The following ELF2 variants were observed in gnomAD, a reference collection of about 807,000 sequenced individuals.
The protein encoded by ELF2 is ETS-related transcription factor Elf-2.
Under a neutral mutation model 54.8 loss-of-function variants are expected in ELF2, and 11 were observed. The ratio of observed to expected loss-of-function variants is 0.20; its 90% CI spans 0.13 to 0.33. ELF2 has a LOEUF of 0.33. Ranked by LOEUF, ELF2 falls within the 10% of genes least tolerant of loss-of-function variation. The probability of loss-of-function intolerance (pLI) is 1.00; values close to 1 mark genes in which losing one functional copy is unlikely to be tolerated. For synonymous variants in ELF2, 203 were observed against 245.1 expected, an observed-to-expected ratio of 0.83 and a Z score of 1.61; for missense variants, 513 against 703.0, an observed-to-expected ratio of 0.73 and a Z score of 3.06.
At chr4:139,090,763 T>G (rs1315925610) in intron 4 of ELF2, among the ~76,000 whole-genome samples, 3 of 152,026 alleles carry the variant, frequency 2.0e-5, no homozygotes, top group South Asian at 4.2e-4. Context: ...CCCAGTTAAT[T>G]TTTGTATTTT....
At chr4:139,069,305 T>G (rs1305592468) in intron 6 of ELF2, among the ~76,000 whole-genome samples, 1 of 152,226 alleles carries the variant, frequency 6.6e-6, no homozygotes, top group Non-Finnish European at 1.5e-5. Flanking sequence ...AACATCTGTA[T>G]TTCAAAATGC....
chr4:139,059,351 G>T lies in ELF2; in HGVS notation c.1414C>A (p.Leu472Met), dbSNP rs1210411313. The change falls in exon 10 of 10, where the codon CTG becomes ATG. Residue 472 changes from leucine (L) to methionine (M), a missense_variant. Leu to Met is a conservative substitution (Grantham distance 15). Around this residue, in one of 3 missense-constraint regions of ELF2, gnomAD observed 291 missense variants for 366.1 expected, o/e 0.79. Coordinates refer to ENST00000686138, the MANE Select transcript of ELF2 (RefSeq NM_001331036.3). The stretch of plus-strand genomic sequence containing the variant: ...CCAGTCAGATTTGACTTTGTCTGCA[G>T]TTGACACTGTGCAAGCTGTGTAGCT... ...IPATQLAQCQ[L>M]QTKSNLTGSG... 2 of 1,613,868 alleles carry T rather than the reference G, an allele frequency of 1.2e-6. No homozygotes were observed. The highest frequency in any genetic ancestry group is 2.7e-5 in the African/African-American group (2 of 74,932).
At chr4:139,168,727 C>A (rs1435867306) in intron 1 of ELF2, among the ~76,000 whole-genome samples, 1 of 151,844 alleles carries the variant, frequency 6.6e-6, no homozygotes, top group Non-Finnish European at 1.5e-5. Context: ...AAAGAAAGAT[C>A]CCTTTTGTTT....
intron 3 of ELF2, among the ~76,000 whole-genome samples, chr4:139,134,584 A>ATTTATTTTATTTTAT (rs142478360): frequency 2.9e-5 from 4 of 140,002 alleles, no homozygotes; most frequent in East Asian, 2.0e-4. Context: ...TTTATGTTAT[A>ATTTATTTTATTTTAT]TTTATTTTAT....
intron 4 of ELF2, among the ~76,000 whole-genome samples, chr4:139,094,750 A>T (rs1305231900): frequency 6.6e-6 from 1 of 152,198 alleles, no homozygotes; most frequent in East Asian, 1.9e-4. Flanking sequence ...AAAAGATTAA[A>T]GTAATGTCAT....
chr4:139,157,485 T>A (rs1170525202), intron 1 of ELF2, among the ~76,000 whole-genome samples: 1 of 152,130 alleles, frequency 6.6e-6, no homozygotes, highest in Non-Finnish European at 1.5e-5. Flanking sequence ...CACTGCAGCC[T>A]CAACCTCCTG....
chr4:139,137,790 A>T lies in ELF2; in HGVS notation c.-89T>A. ...GCCAGTGTTATAGGTTTGCATTATCATGTTTTAAAAGTCAATAGAGATGGA... is the reference window on the plus strand; with the variant it reads ...GCCAGTGTTATAGGTTTGCATTATCTTGTTTTAAAAGTCAATAGAGATGGA... On this transcript the variant is annotated 5_prime_UTR_variant, in exon 3 of 10. The change abolishes an upstream ATG in the 5' untranslated region. Transcript: ENST00000686138. The T allele has an allele frequency of 6.4e-7, 1 of 1,559,614 alleles. No homozygotes were observed.
At chr4:139,105,201 T>C (rs1435334931) in intron 4 of ELF2, among the ~76,000 whole-genome samples, 1 of 152,228 alleles carries the variant, frequency 6.6e-6, no homozygotes, top group Non-Finnish European at 1.5e-5. Flanking sequence ...CTTAATTCCA[T>C]ATATTTACTT....
chr4:139,165,871 T>G (rs576194804), intron 1 of ELF2, among the ~76,000 whole-genome samples: 1 of 152,334 alleles, frequency 6.6e-6, no homozygotes, highest in East Asian at 1.9e-4. Flanking sequence ...ATATGAATAT[T>G]CCAAAAGTAT....
chr4:139,126,352 T>C (rs556138520), intron 3 of ELF2, among the ~76,000 whole-genome samples: 1 of 112,464 alleles, frequency 8.9e-6, no homozygotes, highest in Non-Finnish European at 2.0e-5. Flanking sequence ...AAATAAATCA[T>C]AAGGAAAAAA....
chr4:139,097,339 T>C (rs1385779813), intron 4 of ELF2, among the ~76,000 whole-genome samples: 1 of 152,134 alleles, frequency 6.6e-6, no homozygotes, highest in Admixed American at 6.5e-5. Context: ...CAAGTTTTAA[T>C]GTGCAATATT....
At chr4:139,061,415 T>G (rs1311149639) in intron 8 of ELF2, among the ~76,000 whole-genome samples, 1 of 152,106 alleles carries the variant, frequency 6.6e-6, no homozygotes, top group Non-Finnish European at 1.5e-5. Flanking sequence ...CCTCAAGTGA[T>G]CCACCCAACT....
intron 4 of ELF2, among the ~76,000 whole-genome samples, chr4:139,088,018 G>T (rs1200785910): frequency 6.6e-6 from 1 of 152,080 alleles, no homozygotes; most frequent in Non-Finnish European, 1.5e-5. Context: ...TGGTCACAGT[G>T]GCTCACGCCT....
At chr4:139,131,104 GCTGT>G (rs1398302726) in intron 3 of ELF2, among the ~76,000 whole-genome samples, 12 of 152,190 alleles carry the variant, frequency 7.9e-5, no homozygotes, top group Non-Finnish European at 1.3e-4. Flanking sequence ...CTTGGCACAA[GCTGT>G]CTAATTCCCT....
chr4:139,074,759 CAAA>C (rs397957583), intron 4 of ELF2, among the ~76,000 whole-genome samples: 1 of 92,672 alleles, frequency 1.1e-5, no homozygotes, highest in Non-Finnish European at 2.3e-5. Context: ...GACACTGTCT[CAAA>C]AAAAAAAAAC....
chr4:139,062,189 G>C, intron 7 of ELF2, 132 bp from the exon 8 acceptor site: 1 of 870,496 alleles, frequency 1.1e-6, no homozygotes, highest in Non-Finnish European at 1.7e-6. Context: ...TTTTTTTTTG[G>C]AGACGGAGTC....
intron 3 of ELF2, among the ~76,000 whole-genome samples, chr4:139,133,856 C>A (rs573582383): frequency 1.6e-4 from 25 of 152,156 alleles, no homozygotes; most frequent in African/African-American, 6.0e-4. Flanking sequence ...TATACACTCA[C>A]CTCATATCCT....
intron 4 of ELF2, among the ~76,000 whole-genome samples, chr4:139,118,684 G>GTT (rs933250423): frequency 1.4e-5 from 2 of 141,976 alleles, no homozygotes. Flanking sequence ...TAAAGCATTT[G>GTT]TTTTTTTTTT....
At chr4:139,176,622 G>A (rs533382119) in intron 1 of ELF2, among the ~76,000 whole-genome samples, 7 of 152,224 alleles carry the variant, frequency 4.6e-5, no homozygotes, top group African/African-American at 7.2e-5. Flanking sequence ...TGTAAACACG[G>A]AGAGACCAGC....
Sources: allele counts gnomAD v4.1 joint callset (sites outside exome capture counted in the v4.1 genomes callset), GRCh38; gene constraint gnomAD v4.1.1; regional missense constraint gnomAD v4.1.1; transcripts MANE v1.5; gene names NCBI Gene and HGNC (gene_info 2026-07-23, HGNC 2026-07-21).